The following NAV3 variants were observed in gnomAD, a reference collection of about 807,000 sequenced individuals.
NAV3 encodes neuron navigator 3.
A neutral mutation model predicts 244.7 loss-of-function variants in NAV3; 87 were observed. That is an observed-to-expected ratio of 0.36 (90% confidence interval 0.30 to 0.42). NAV3 has a LOEUF of 0.42. Among genes scored for constraint, NAV3 ranks in the 20% least tolerant of loss-of-function variants. The pLI, the probability that NAV3 is intolerant of heterozygous loss-of-function variation, is 1.00. For missense variants in NAV3, 2,663 were observed against 2,893.3 expected (o/e 0.92, Z 1.83); for synonymous variants, 1,126 against 1,042.2 (o/e 1.08, Z -1.55).
intron 9 of NAV3, among the ~76,000 whole-genome samples, chr12:78,046,746 T>C (rs1376871249): frequency 2.6e-5 from 4 of 152,192 alleles, no homozygotes; most frequent in Non-Finnish European, 5.9e-5. Flanking sequence ...GTCTATTAGG[T>C]CCACTTGGTC....
chr12:77,676,369 C>T (rs1274704751), intron 2 of NAV3, among the ~76,000 whole-genome samples: 1 of 152,098 alleles, frequency 6.6e-6, no homozygotes, highest in African/African-American at 2.4e-5. Context: ...AAGGTGGTGT[C>T]CTCCATGGCC....
At chr12:77,788,582 T>G (rs573749789) in intron 2 of NAV3, among the ~76,000 whole-genome samples, 42 of 151,962 alleles carry the variant, frequency 2.8e-4, no homozygotes, top group African/African-American at 9.9e-4. Flanking sequence ...GTTTTACACA[T>G]GGAATACTCT....
At chr12:77,741,166 A>AAAAAAAAAAAAAAAAAAAAAAAAAAAAG (rs58368251) in intron 2 of NAV3, among the ~76,000 whole-genome samples, 1 of 138,290 alleles carries the variant, frequency 7.2e-6, no homozygotes, top group Admixed American at 7.1e-5. Flanking sequence ...AAAAAAAAAA[A>AAAAAAAAAAAAAAAAAAAAAAAAAAAAG]GAAAAGAAAG....
chr12:78,093,473 T>C (rs1954070269), intron 12 of NAV3, among the ~76,000 whole-genome samples: 1 of 152,176 alleles, frequency 6.6e-6, no homozygotes, highest in African/African-American at 2.4e-5. Flanking sequence ...CAAAGTGCCC[T>C]TCAATCTCAT....
At chr12:78,203,196 C>T (rs371883731) in intron 38 of NAV3, among the ~76,000 whole-genome samples, 9 of 151,918 alleles carry the variant, frequency 5.9e-5, no homozygotes, top group Admixed American at 1.3e-4. Flanking sequence ...GTGTTTCACT[C>T]GGAAATATAG....
chr12:77,811,574 C>T (rs1236857245), intron 2 of NAV3, among the ~76,000 whole-genome samples: 6 of 152,170 alleles, frequency 3.9e-5, no homozygotes, highest in African/African-American at 1.4e-4. Context: ...AGGGGCTCAC[C>T]TAAGCTTTCC....
intron 20 of NAV3, among the ~76,000 whole-genome samples, chr12:78,143,624 CAGAAA>C (rs1429557649): frequency 3.2e-4 from 30 of 92,648 alleles, no homozygotes; most frequent in Admixed American, 1.3e-3. Flanking sequence ...AACACTGTCT[CAGAAA>C]AAAAAAAAAA....
intron 1 of NAV3, among the ~76,000 whole-genome samples, chr12:77,892,837 G>A (rs775972719): frequency 3.9e-5 from 6 of 152,092 alleles, no homozygotes; most frequent in African/African-American, 9.7e-5. Context: ...TAAAATATAC[G>A]CAAAGTGCTT....
intron 2 of NAV3, among the ~76,000 whole-genome samples, chr12:77,591,092 G>A (rs78473719): frequency 0.032 from 4,868 of 152,230 alleles, 122 homozygotes; most frequent in African/African-American, 0.069. Context: ...ACTGGAAAAT[G>A]TTGGGAGAAA....
chr12:77,777,759 A>G (rs1207703944), intron 2 of NAV3, among the ~76,000 whole-genome samples: 1 of 152,064 alleles, frequency 6.6e-6, no homozygotes, highest in Non-Finnish European at 1.5e-5. Context: ...AGAAAAGACT[A>G]GAAGGTACCT....
chr12:77,657,083 G>T (rs1293936236), intron 2 of NAV3, among the ~76,000 whole-genome samples: 1 of 152,044 alleles, frequency 6.6e-6, no homozygotes, highest in Non-Finnish European at 1.5e-5. Flanking sequence ...TCAAAAGCTA[G>T]CAGGGGCAGA....
intron 24 of NAV3, among the ~76,000 whole-genome samples, chr12:78,171,881 C>T (rs1230129635): frequency 1.3e-5 from 2 of 151,576 alleles, no homozygotes; most frequent in African/African-American, 4.8e-5. Flanking sequence ...CACAACCACA[C>T]ACCAATTTGT....
chr12:78,140,333 C>A lies in NAV3; in HGVS notation c.4682C>A (p.Thr1561Lys). Reference sequence around the variant, plus strand: ...TCCAGCACTTCTTCTCTTTACTCTACAGTAAGTAATGGCTGTTAAGAAAAA... The same window carrying A: ...TCCAGCACTTCTTCTCTTTACTCTAAAGTAAGTAATGGCTGTTAAGAAAAA... ...LVSSTSSLYS[T>K]AEEKAHSEQI... The change falls in exon 20 of 40, where the codon ACA becomes AAA. Residue 1561 changes from threonine to lysine, a missense_variant and splice_region_variant. Coordinates refer to ENST00000397909, the MANE Select transcript of NAV3 (RefSeq NM_001024383.2). 1 of 1,612,030 alleles carries A rather than the reference C, an allele frequency of 6.2e-7. No homozygotes were observed. The highest frequency in any genetic ancestry group is 2.2e-5 in the East Asian group (1 of 44,850).
chr12:77,632,946 A>G, intron 2 of NAV3, among the ~76,000 whole-genome samples: 1 of 152,122 alleles, frequency 6.6e-6, no homozygotes, highest in African/African-American at 2.4e-5. Flanking sequence ...CTATTATTGC[A>G]ACTGGTCTTC....
intron 1 of NAV3, among the ~76,000 whole-genome samples, chr12:77,887,522 C>T (rs942847205): frequency 3.9e-5 from 6 of 152,196 alleles, no homozygotes; most frequent in African/African-American, 1.4e-4. Context: ...TTTTTCTCCA[C>T]TAGATTATAA....
chr12:78,189,576 G>A (rs1293137897), intron 33 of NAV3, among the ~76,000 whole-genome samples: 1 of 145,532 alleles, frequency 6.9e-6, no homozygotes, highest in Non-Finnish European at 1.6e-5. Flanking sequence ...ATATATATAT[G>A]GGTGTGTGTG....
rs368873187 is a variant in NAV3 at position 77,824,176 on chromosome 12, T to G, written c.73-116143T>G. Among the ~76,000 whole-genome samples, 8 of 151,542 alleles carry G rather than the reference T, an allele frequency of 5.3e-5. No individual in the cohort carries two copies. The South Asian group carries it at 1.5e-3, about 28-fold the overall frequency. On this transcript the variant is annotated intron_variant, in intron 2 of 8. Coordinates refer to the NAV3 transcript ENST00000550042. ...GCAACCTCCGCCTCTCGGGTTCAAG[T>G]GATTCTCCTGTCTCAGCCTCCCGAG...
At chr12:77,781,875 A>G (rs1870680229) in intron 2 of NAV3, among the ~76,000 whole-genome samples, 1 of 152,184 alleles carries the variant, frequency 6.6e-6, no homozygotes, top group Non-Finnish European at 1.5e-5. Flanking sequence ...TTTGGCTAGC[A>G]AGAACAAGTT....
At chr12:77,574,513 T>TGTCTCAGAACTTGAG in intron 2 of NAV3, among the ~76,000 whole-genome samples, 1 of 152,146 alleles carries the variant, frequency 6.6e-6, no homozygotes, top group Non-Finnish European at 1.5e-5. Flanking sequence ...TTCAAGTGTT[T>TGTCTCAGAACTTGAG]ATAGTCCTTC....
Sources: gnomAD v4.1 joint callset for allele counts (sites outside exome capture counted in the v4.1 genomes callset) on GRCh38, gnomAD v4.1.1 for gene constraint, MANE v1.5 for transcripts, NCBI Gene and HGNC (gene_info 2026-07-23, HGNC 2026-07-21) for gene names.